Variants in SEMA3C observed in about 807,000 individuals in gnomAD.
SEMA3C encodes the protein semaphorin 3C, also known as semaphorin-3C.
A neutral mutation model predicts 89.4 loss-of-function variants in SEMA3C; 47 were observed. That is an observed-to-expected ratio of 0.53 (90% CI 0.42 to 0.67). The LOEUF (loss-of-function observed/expected upper bound fraction) is 0.67, where lower values mean the gene tolerates loss of function less well. Ranked by LOEUF, SEMA3C falls within the 30% of genes least tolerant of loss-of-function variation. The probability of loss-of-function intolerance (pLI) is 0.00; values close to 1 mark genes in which losing one functional copy is unlikely to be tolerated. For synonymous variants in SEMA3C, 310 were observed against 320.2 expected, an observed-to-expected ratio of 0.97 and a Z score of 0.34; for missense variants, 839 against 929.1, an observed-to-expected ratio of 0.90 and a Z score of 1.26.
chr7:80,765,857 G>A (rs116363500), intron 12 of SEMA3C, among the ~76,000 whole-genome samples: 3,296 of 152,170 alleles, frequency 0.022, 53 homozygotes, highest in Admixed American at 0.024. Context: ...TATTACAGGC[G>A]TGGTGAGCCA....
At chr7:80,808,728 G>A (rs1345117308) in intron 6 of SEMA3C, among the ~76,000 whole-genome samples, 3 of 152,002 alleles carry the variant, frequency 2.0e-5, no homozygotes, top group Non-Finnish European at 4.4e-5. Flanking sequence ...AGGAAAAGAC[G>A]TCTACTATAC....
intron 12 of SEMA3C, among the ~76,000 whole-genome samples, chr7:80,776,309 A>C (rs1788549060): frequency 6.6e-6 from 1 of 151,898 alleles, no homozygotes; most frequent in East Asian, 1.9e-4. Context: ...AAAATATACC[A>C]CCTTCTCCAG....
At chr7:80,841,832 T>G (rs1412165790) in intron 2 of SEMA3C, among the ~76,000 whole-genome samples, 1 of 152,156 alleles carries the variant, frequency 6.6e-6, no homozygotes, top group East Asian at 1.9e-4. Flanking sequence ...TGGGGAGATG[T>G]TTTCCTAAAA....
chr7:80,867,982 C>T (rs1186711472), intron 2 of SEMA3C, among the ~76,000 whole-genome samples: 1 of 152,110 alleles, frequency 6.6e-6, no homozygotes, highest in African/African-American at 2.4e-5. Context: ...TCTTGTGCTG[C>T]TAGATTTTCT....
intron 2 of SEMA3C, among the ~76,000 whole-genome samples, chr7:80,877,519 T>C (rs535171945): frequency 1.3e-4 from 20 of 152,332 alleles, no homozygotes; most frequent in African/African-American, 4.6e-4. Flanking sequence ...TAAATTACCA[T>C]ACTCCCTCAT....
chr7:80,917,984 T>C (rs755422862), intron 1 of SEMA3C, among the ~76,000 whole-genome samples: 1 of 152,218 alleles, frequency 6.6e-6, no homozygotes, highest in Non-Finnish European at 1.5e-5. Context: ...GTGGTGCATA[T>C]GTTATGAGAG....
chr7:80,750,600 T>C (rs1466962014), intron 16 of SEMA3C, among the ~76,000 whole-genome samples: 1 of 151,462 alleles, frequency 6.6e-6, no homozygotes, highest in African/African-American at 2.4e-5. Flanking sequence ...TAAATGGACC[T>C]TGAAGACTTT....
chr7:80,746,297 A>G (rs1001899010), intron 17 of SEMA3C, among the ~76,000 whole-genome samples: 2 of 152,308 alleles, frequency 1.3e-5, no homozygotes, highest in Middle Eastern at 3.4e-3. Context: ...AGGCAAGTAT[A>G]GTATTAAAAG....
chr7:80,904,891 G>A (rs1791968795), intron 2 of SEMA3C, among the ~76,000 whole-genome samples: 1 of 151,938 alleles, frequency 6.6e-6, no homozygotes, highest in African/African-American at 2.4e-5. Context: ...ACTGCCCTAG[G>A]GTCTCAGGTT....
At chr7:80,865,774 A>G (rs952486926) in intron 2 of SEMA3C, among the ~76,000 whole-genome samples, 5 of 152,178 alleles carry the variant, frequency 3.3e-5, no homozygotes, top group Admixed American at 6.5e-5. Flanking sequence ...AGTCTAGACA[A>G]AAGGGCGAGA....
At chr7:80,778,683 G>T (rs944608312) in intron 12 of SEMA3C, among the ~76,000 whole-genome samples, 1 of 151,800 alleles carries the variant, frequency 6.6e-6, no homozygotes, top group Non-Finnish European at 1.5e-5. Context: ...CATGTCTCAG[G>T]TCTTTCCATC....
intron 2 of SEMA3C, among the ~76,000 whole-genome samples, chr7:80,909,126 G>C (rs1474151840): frequency 6.6e-6 from 1 of 152,012 alleles, no homozygotes; most frequent in Non-Finnish European, 1.5e-5. Flanking sequence ...TTTTTACTCA[G>C]ATATATATCC....
chr7:80,915,377 G>A lies in SEMA3C; in HGVS notation c.103+1302C>T, dbSNP rs114129274. On this transcript the variant is annotated intron_variant, in intron 2 of 17. Coordinates refer to ENST00000265361, the MANE Select transcript of SEMA3C (RefSeq NM_006379.5). The stretch of plus-strand genomic sequence containing the variant: ...TCTAAGTTCCAAATATGGCTCCTTC[G>A]GTGCTTATGACAACCTTGGGGAAAG... 7.6e-3 allele frequency among the ~76,000 whole-genome samples: 1,155 copies of A among 152,104 alleles called. 10 individuals are homozygous for A. Among genetic ancestry groups the A allele is most frequent in the African/African-American group, 0.027 (1,104 of 41,490 alleles).
intron 2 of SEMA3C, among the ~76,000 whole-genome samples, chr7:80,884,306 GTC>G (rs1452899315): frequency 8.5e-5 from 13 of 152,062 alleles, no homozygotes; most frequent in Admixed American, 1.3e-4. Context: ...AAAATCATGA[GTC>G]TCTTAGTGAA....
In SEMA3C at chr7:80,778,576, T is replaced by TA. The variant is rs572338923; in HGVS notation, c.1354+10729dup. 8.5e-5 allele frequency among the ~76,000 whole-genome samples: 13 copies of TA among 152,332 alleles called. No individual in the cohort carries two copies. In the East Asian group the frequency reaches 2.5e-3, roughly 29 times the overall value. On this transcript the variant is annotated intron_variant, in intron 12 of 17. Coordinates refer to ENST00000265361, the MANE Select transcript of SEMA3C (RefSeq NM_006379.5). ...GGCCTTGAATATCTATCTACATTTCTAGGTGCCTGGGTAAGGAAAACATCT... is the reference window on the plus strand; with the variant it reads ...GGCCTTGAATATCTATCTACATTTCTAAGGTGCCTGGGTAAGGAAAACATCT...
intron 2 of SEMA3C, among the ~76,000 whole-genome samples, chr7:80,877,138 C>T (rs777046761): frequency 6.6e-6 from 1 of 152,104 alleles, no homozygotes; most frequent in Non-Finnish European, 1.5e-5. Flanking sequence ...CTTGTAAAGT[C>T]TGGAGCAATT....
intron 4 of SEMA3C, among the ~76,000 whole-genome samples, chr7:80,824,430 T>G (rs994989733): frequency 3.9e-5 from 6 of 152,200 alleles, no homozygotes; most frequent in Admixed American, 6.5e-5. Context: ...GAGTAGATAT[T>G]TCCCAGGCTG....
chr7:80,776,178 T>C (rs1329124831), intron 12 of SEMA3C, among the ~76,000 whole-genome samples: 2 of 151,946 alleles, frequency 1.3e-5, no homozygotes, highest in African/African-American at 4.8e-5. Flanking sequence ...ACAAAGGTTC[T>C]CTTTTTGCAG....
At chr7:80,784,367 C>T (rs1279629598) in intron 12 of SEMA3C, among the ~76,000 whole-genome samples, 1 of 151,172 alleles carries the variant, frequency 6.6e-6, no homozygotes, top group Middle Eastern at 3.5e-3. Flanking sequence ...ATTTTTTCAA[C>T]CTGTGATTTT....
Sources: allele counts gnomAD v4.1 joint callset (sites outside exome capture counted in the v4.1 genomes callset), GRCh38; gene constraint gnomAD v4.1.1; transcripts MANE v1.5; gene names NCBI Gene and HGNC (gene_info 2026-07-23, HGNC 2026-07-21).